Variants in C2CD3 observed in about 807,000 individuals in gnomAD.
C2CD3 encodes the protein C2 domain-containing protein 3.
In C2CD3, 148 loss-of-function variants were observed where a neutral mutation model predicts 234.0. That is an observed-to-expected ratio of 0.63 (90% confidence interval 0.55 to 0.72). C2CD3 has a LOEUF of 0.72. Among genes scored for constraint, C2CD3 ranks in the 30% least tolerant of loss-of-function variants. The pLI, the probability that C2CD3 is intolerant of heterozygous loss-of-function variation, is 0.00. For missense variants in C2CD3, 2,577 were observed against 2,811.5 expected (o/e 0.92, Z 1.89); for synonymous variants, 1,000 against 1,035.4 (o/e 0.97, Z 0.66).
rs762151598 is a variant in C2CD3 at position 74,042,170 on chromosome 11, C to T, written c.5544G>A (p.Gln1848=). The T allele has an allele frequency of 1.9e-6, 3 of 1,610,418 alleles. No homozygotes were observed. The highest frequency in any genetic ancestry group is 2.5e-6 in the Non-Finnish European group (3 of 1,179,386). The change falls in exon 29 of 33, where the codon CAG becomes CAA. Residue 1848 remains glutamine, a synonymous_variant. Transcript: ENST00000334126. ...GGGATTCATGAAACCGGCGAATGTT[C>T]TGCACATGCTCTTCATGGCGTGATG... ...SQASRHEEHV[Q]NIRRFHESLH...
At chr11:74,034,440 G>A (rs1591296657) in intron 30 of C2CD3, 162 bp from the exon 31 acceptor site, 5 of 1,536,942 alleles carry the variant, frequency 3.3e-6, no homozygotes, top group Non-Finnish European at 4.4e-6. Flanking sequence ...TATTCAAGGC[G>A]GTACAATTTT....
chr11:74,081,666 A>C (rs1037696338), intron 22 of C2CD3, among the ~76,000 whole-genome samples: 4 of 152,210 alleles, frequency 2.6e-5, no homozygotes, highest in African/African-American at 9.7e-5. Flanking sequence ...TTCTTAGAGA[A>C]GGATGATAGT....
At chr11:74,134,932 C>G (rs1306589400) in intron 5 of C2CD3, among the ~76,000 whole-genome samples, 2 of 151,982 alleles carry the variant, frequency 1.3e-5, no homozygotes, top group Non-Finnish European at 2.9e-5. Flanking sequence ...GCTATGTTGC[C>G]CAGGCTGGTC....
chr11:74,077,799 A>G (rs1218724238), intron 23 of C2CD3, among the ~76,000 whole-genome samples: 644 of 16,890 alleles, frequency 0.038, 17 homozygotes, highest in African/African-American at 0.11. Flanking sequence ...ATATATATAT[A>G]TATATATATA....
intron 30 of C2CD3, 43 bp from the exon 31 acceptor site, chr11:74,034,321 C>G: frequency 1.3e-6 from 2 of 1,500,646 alleles, no homozygotes; most frequent in Non-Finnish European, 1.8e-6. Context: ...GGTAGGGCCA[C>G]AGACCCCTCA....
chr11:74,063,306 C>G (rs531496529), intron 24 of C2CD3, among the ~76,000 whole-genome samples: 1 of 152,306 alleles, frequency 6.6e-6, no homozygotes, highest in East Asian at 1.9e-4. Flanking sequence ...GATACCAAAG[C>G]CTGGCAGAAA....
Position 74,127,476 on chromosome 11 carries a change from A to ATT in C2CD3, c.1218-4343_1218-4342dup, listed in dbSNP as rs1308320958. Reference sequence around the variant, plus strand: ...GTTGTTTCAATATTGGGGTTGCTTAATTTTTTTTTTTTTTTGCATGTGACT... The same window carrying ATT: ...GTTGTTTCAATATTGGGGTTGCTTAATTTTTTTTTTTTTTTTTGCATGTGACT... On this transcript the variant is annotated intron_variant, in intron 7 of 32. Coordinates refer to ENST00000334126, the MANE Select transcript of C2CD3 (RefSeq NM_001286577.2). Among the ~76,000 whole-genome samples the ATT allele has an allele frequency of 3.2e-3, 450 of 141,770 alleles. 1 individual carries two copies. Among genetic ancestry groups the ATT allele is most frequent in the Middle Eastern group, 0.023 (6 of 266 alleles). The allele number at this position is 141,770 out of a possible 152,430, so 93.0% of individuals were successfully genotyped here. A position where few individuals can be genotyped will look rare whatever the true frequency, so the allele number is the denominator to read the frequency against.
intron 24 of C2CD3, among the ~76,000 whole-genome samples, chr11:74,071,373 C>T (rs1954783125): frequency 6.6e-6 from 1 of 152,224 alleles, no homozygotes. Context: ...TAAGCCCATG[C>T]AGTCCTTCCT....
chr11:74,033,413 A>G lies in C2CD3; in HGVS notation c.6747T>C (p.Ser2249=). The change falls in exon 31 of 33, where the codon TCT becomes TCC. Residue 2249 remains serine, a synonymous_variant. Coordinates refer to ENST00000334126, the MANE Select transcript of C2CD3 (RefSeq NM_001286577.2). The part of the protein sequence containing the change: ...ENHKGPPIDS[S]DIRQRQVTTG... ...TTGTCACCTGCCTCTGCCTGATGTC[A>G]GAGGAGTCGATGGGTGGTCCCTTAT... The G allele has an allele frequency of 3.9e-6, 6 of 1,536,138 alleles. No individual in the cohort carries two copies. Among genetic ancestry groups the G allele is most frequent in the Non-Finnish European group, 5.2e-6 (6 of 1,146,906 alleles).
chr11:74,162,589 C>A (rs192313295), intron 2 of C2CD3, among the ~76,000 whole-genome samples: 109 of 152,046 alleles, frequency 7.2e-4, no homozygotes, highest in African/African-American at 2.5e-3. Flanking sequence ...CTTATCATAC[C>A]ATTCTGGGGG....
rs570135509 is a variant in C2CD3, at chr11:74,155,683, C to T, written c.483+5716G>A. Among the ~76,000 whole-genome samples, 29 of 152,162 alleles carry T rather than the reference C, an allele frequency of 1.9e-4. No individual in the cohort carries two copies. The South Asian group carries it at 5.6e-3, about 29-fold the overall frequency. On this transcript the variant is annotated intron_variant, in intron 3 of 32. Coordinates refer to ENST00000334126, the MANE Select transcript of C2CD3 (RefSeq NM_001286577.2). ...TTCCATCTGTATAAAATGTCCAGAA[C>T]AGGCAAATACACAGAGACAGAAAGT...
intron 24 of C2CD3, among the ~76,000 whole-genome samples, chr11:74,060,046 G>A (rs867770937): frequency 3.9e-5 from 6 of 152,240 alleles, no homozygotes; most frequent in Non-Finnish European, 5.9e-5. Flanking sequence ...AGATCGAACT[G>A]CAAGGTGGCA....
At chr11:74,098,277 A>G (rs751113763) in intron 15 of C2CD3, 22 bp from the exon 16 acceptor site, 14 of 1,608,580 alleles carry the variant, frequency 8.7e-6, no homozygotes, top group Non-Finnish European at 1.2e-5. Context: ...GAAATTGTGA[A>G]TAAGCAAATA....
intron 22 of C2CD3, among the ~76,000 whole-genome samples, chr11:74,079,958 A>G (rs1955264638): frequency 6.6e-6 from 1 of 152,248 alleles, no homozygotes; most frequent in Admixed American, 6.5e-5. Context: ...CAGCTACTCA[A>G]CTGGGATACT....
chr11:74,062,921 G>C lies in C2CD3; in HGVS notation c.4952-5377C>G, dbSNP rs576201340. ...GAAGAAAAGAGAGAAGAATCAAATA[G>C]ACACAATAAAAAATGATAAAGGGGA... On this transcript the variant is annotated intron_variant, in intron 24 of 32. Transcript: ENST00000334126. Among the ~76,000 whole-genome samples, 3 of 151,946 alleles carry C rather than the reference G, an allele frequency of 2.0e-5. No individual in the cohort carries two copies. In the South Asian group the frequency reaches 6.2e-4, roughly 32 times the overall value.
chr11:74,123,066 A>T lies in C2CD3; in HGVS notation c.1287T>A (p.Ser429Arg). The T allele has an allele frequency of 6.2e-7, 1 of 1,612,704 alleles. No homozygotes were observed. Among genetic ancestry groups the T allele is most frequent in the Non-Finnish European group, 8.5e-7 (1 of 1,178,724 alleles). Reference sequence around the variant, plus strand: ...TCAGCTCACTGATGCAATACACATCACTCCCAGGAGATGGGGAATCTGGAG... The same window carrying T: ...TCAGCTCACTGATGCAATACACATCTCTCCCAGGAGATGGGGAATCTGGAG... The part of the protein sequence containing the change: ...GSPPDSPSPG[S>R]DVYCISELND... The change falls in exon 8 of 33, where the codon AGT becomes AGA. Residue 429 changes from serine to arginine, a missense_variant. By Grantham distance (110) the Ser-to-Arg change is moderately radical (BLOSUM62 -1). Transcript: ENST00000334126.
chr11:74,125,499 G>A (rs761982588), intron 7 of C2CD3, among the ~76,000 whole-genome samples: 2 of 152,042 alleles, frequency 1.3e-5, no homozygotes, highest in Non-Finnish European at 2.9e-5. Context: ...GTTATTTTCT[G>A]ATTTTTCACT....
chr11:74,149,339 G>C (rs547310162), intron 3 of C2CD3, among the ~76,000 whole-genome samples: 1 of 149,118 alleles, frequency 6.7e-6, no homozygotes, highest in South Asian at 2.1e-4. Context: ...ATGCTGTCTT[G>C]TTTTCTCATT....
intron 27 of C2CD3, among the ~76,000 whole-genome samples, chr11:74,049,028 T>C (rs1953536934): frequency 6.6e-6 from 1 of 152,156 alleles, no homozygotes; most frequent in African/African-American, 2.4e-5. Context: ...AACAAGTCAG[T>C]TGATAGAGTT....
Sources: gnomAD v4.1 joint callset for allele counts (sites outside exome capture counted in the v4.1 genomes callset) on GRCh38, gnomAD v4.1.1 for gene constraint, MANE v1.5 for transcripts, NCBI Gene and HGNC (gene_info 2026-07-23, HGNC 2026-07-21) for gene names.